PIP4K2A: variants seen among roughly 807,000 people sequenced by gnomAD.
The protein encoded by PIP4K2A is phosphatidylinositol-5-phosphate 4-kinase type 2 alpha, also known as phosphatidylinositol 5-phosphate 4-kinase type-2 alpha.
PIP4K2A carries 14 observed loss-of-function variants against 42.9 expected under a neutral mutation model. The ratio of observed to expected loss-of-function variants is 0.33; its 90% CI spans 0.22 to 0.51. PIP4K2A has a LOEUF of 0.51. PIP4K2A is among the 20% of genes least tolerant of loss of function. The pLI, the probability that PIP4K2A is intolerant of heterozygous loss-of-function variation, is 0.97. For missense variants in PIP4K2A, 434 were observed against 519.8 expected (o/e 0.83, Z 1.61); for synonymous variants, 192 against 192.2 (o/e 1.00, Z 0.01).
chr10:22,639,303 C>A (rs1198267134), intron 1 of PIP4K2A, among the ~76,000 whole-genome samples: 2 of 150,746 alleles, frequency 1.3e-5, no homozygotes, highest in African/African-American at 2.4e-5. Context: ...AGAGAAACAC[C>A]AGCTGAGCTT....
chr10:22,551,429 T>C (rs565378564), intron 6 of PIP4K2A, among the ~76,000 whole-genome samples: 1 of 152,310 alleles, frequency 6.6e-6, no homozygotes, highest in East Asian at 1.9e-4. Flanking sequence ...TTCTACCTTT[T>C]ACAAATGAAC....
intron 1 of PIP4K2A, among the ~76,000 whole-genome samples, chr10:22,635,047 A>T (rs1295565856): frequency 6.6e-6 from 1 of 152,150 alleles, no homozygotes; most frequent in Admixed American, 6.5e-5. Context: ...TGAGCAACAG[A>T]AACAGTGAGG....
intron 2 of PIP4K2A, among the ~76,000 whole-genome samples, chr10:22,608,761 C>T (rs895240320): frequency 6.6e-6 from 1 of 152,110 alleles, no homozygotes; most frequent in African/African-American, 2.4e-5. Context: ...CCCGTAGTCC[C>T]AGCTATTCAG....
chr10:22,710,791 A>G (rs1588720544), intron 1 of PIP4K2A, among the ~76,000 whole-genome samples: 1 of 152,214 alleles, frequency 6.6e-6, no homozygotes, highest in Non-Finnish European at 1.5e-5. Context: ...TAAATGCTAC[A>G]TGTTTTAAAC....
chr10:22,554,337 T>C (rs1836482325), intron 6 of PIP4K2A, among the ~76,000 whole-genome samples: 1 of 152,222 alleles, frequency 6.6e-6, no homozygotes, highest in Non-Finnish European at 1.5e-5. Flanking sequence ...AATAAACTCT[T>C]GGTGTAAAAC....
At chr10:22,612,680 T>G (rs1021076934) in intron 1 of PIP4K2A, among the ~76,000 whole-genome samples, 2 of 152,028 alleles carry the variant, frequency 1.3e-5, no homozygotes, top group Non-Finnish European at 2.9e-5. Context: ...GATGACAGAC[T>G]AGAAATGTAG....
intron 1 of PIP4K2A, among the ~76,000 whole-genome samples, chr10:22,651,276 G>A (rs1838990570): frequency 6.6e-6 from 1 of 152,122 alleles, no homozygotes; most frequent in Non-Finnish European, 1.5e-5. Context: ...TCCCAATTGA[G>A]GCGGCTGTGA....
chr10:22,635,988 G>T (rs1838654342), intron 1 of PIP4K2A, among the ~76,000 whole-genome samples: 1 of 152,234 alleles, frequency 6.6e-6, no homozygotes, highest in African/African-American at 2.4e-5. Flanking sequence ...ATGTGGTTCT[G>T]AGGCTGAAAA....
chr10:22,707,516 T>C (rs1185856237), intron 1 of PIP4K2A, among the ~76,000 whole-genome samples: 1 of 152,226 alleles, frequency 6.6e-6, no homozygotes, highest in Non-Finnish European at 1.5e-5. Flanking sequence ...AAACTGGTTT[T>C]CAAGTAGTTT....
rs544219624 is a variant in PIP4K2A, at chr10:22,631,778, T to A, written c.145-22061A>T. ...AAGAATCAGCAATAAATGTTCAATT[T>A]TTTTGAGCAAAAGTATGCTGAGAAA... On this transcript the variant is annotated intron_variant, in intron 1 of 9. Transcript: ENST00000376573. Among the ~76,000 whole-genome samples, 12 of 152,330 alleles carry A rather than the reference T, an allele frequency of 7.9e-5. 1 individual carries two copies. In the South Asian group the frequency reaches 2.5e-3, roughly 32 times the overall value.
intron 9 of PIP4K2A, 94 bp downstream of exon 9, chr10:22,539,875 CAG>C (rs1437667199): frequency 1.2e-5 from 9 of 782,124 alleles, no homozygotes; most frequent in African/African-American, 1.8e-5. Flanking sequence ...ACAGGTCACA[CAG>C]AGGAGCCAGG....
intron 5 of PIP4K2A, among the ~76,000 whole-genome samples, chr10:22,569,208 T>C (rs1836922115): frequency 6.6e-6 from 1 of 152,080 alleles, no homozygotes; most frequent in Non-Finnish European, 1.5e-5. Flanking sequence ...TGGGGGGGTC[T>C]CCCCAGGGCC....
intron 4 of PIP4K2A, among the ~76,000 whole-genome samples, chr10:22,589,745 G>A (rs1400945802): frequency 2.6e-5 from 4 of 152,180 alleles, no homozygotes; most frequent in South Asian, 2.1e-4. Context: ...TGCTGCCTTC[G>A]AAGCAGATAC....
intron 1 of PIP4K2A, among the ~76,000 whole-genome samples, chr10:22,681,806 G>C (rs370356098): frequency 0.061 from 9,267 of 152,164 alleles, 403 homozygotes; most frequent in African/African-American, 0.12. Flanking sequence ...TCCCTGCAAG[G>C]GTTAGACAGT....
At chr10:22,648,169 TTC>T (rs1254967033) in intron 1 of PIP4K2A, among the ~76,000 whole-genome samples, 1 of 152,218 alleles carries the variant, frequency 6.6e-6, no homozygotes, top group Admixed American at 6.5e-5. Context: ...ATATACAGTT[TTC>T]TCTCTTCTTT....
chr10:22,547,810 G>C lies in PIP4K2A; in HGVS notation c.792+2849C>G, dbSNP rs530645005. 4.6e-5 allele frequency among the ~76,000 whole-genome samples: 7 copies of C among 152,342 alleles called. No homozygotes were observed. In the South Asian group the frequency reaches 1.0e-3, roughly 23 times the overall value. On this transcript the variant is annotated intron_variant, in intron 7 of 9. Transcript: ENST00000376573. ...TCCTCATACACCGATCTGTGTGTGT[G>C]TTTGTGTGCAGAAAAAGACTCACCT...
intron 7 of PIP4K2A, among the ~76,000 whole-genome samples, chr10:22,547,358 T>C (rs544574688): frequency 2.6e-5 from 4 of 152,368 alleles, no homozygotes; most frequent in Admixed American, 6.5e-5. Flanking sequence ...TTAAGGACTG[T>C]GCCCTCTGAG....
At chr10:22,705,030 G>A (rs539287281) in intron 1 of PIP4K2A, among the ~76,000 whole-genome samples, 247 of 152,272 alleles carry the variant, frequency 1.6e-3, no homozygotes, top group Non-Finnish European at 3.0e-3. Flanking sequence ...TGGGAAGAGT[G>A]GAAGCTGACG....
At chr10:22,678,023 A>G (rs1261789744) in intron 1 of PIP4K2A, among the ~76,000 whole-genome samples, 1 of 152,306 alleles carries the variant, frequency 6.6e-6, no homozygotes, top group Non-Finnish European at 1.5e-5. Flanking sequence ...CATTAATCAC[A>G]TTAACACAGA....
Sources: allele counts gnomAD v4.1 joint callset (sites outside exome capture counted in the v4.1 genomes callset), GRCh38; gene constraint gnomAD v4.1.1; transcripts MANE v1.5; gene names NCBI Gene and HGNC (gene_info 2026-07-23, HGNC 2026-07-21).